The following DIPK1A variants were observed in gnomAD, a reference collection of about 807,000 sequenced individuals.
The protein encoded by DIPK1A is family with sequence similarity 69 member A.
A neutral mutation model predicts 40.8 loss-of-function variants in DIPK1A; 27 were observed. The observed-to-expected ratio is 0.66, with a 90% CI of 0.49 to 0.91. The LOEUF (loss-of-function observed/expected upper bound fraction) is 0.91, where lower values mean the gene tolerates loss of function less well. Ranked by LOEUF, DIPK1A falls within the 40% of genes least tolerant of loss-of-function variation. The pLI, the probability that DIPK1A is intolerant of heterozygous loss-of-function variation, is 0.00. For missense variants in DIPK1A, 412 were observed against 505.7 expected, an observed-to-expected ratio of 0.81 and a Z score of 1.78; for synonymous variants, 166 against 171.3, an observed-to-expected ratio of 0.97 and a Z score of 0.24.
chr1:92,833,747 G>C (rs1254378716), intron 4 of DIPK1A: 5 of 1,064,918 alleles, frequency 4.7e-6, no homozygotes, highest in African/African-American at 1.6e-5. Context: ...GTGTTAGAAG[G>C]GCTGTCTAGC....
Position 92,844,067 on chromosome 1 carries a change from A to G in DIPK1A, c.603T>C (p.Asn201=). The change falls in exon 5 of 5, where the codon AAT becomes AAC. Residue 201 remains asparagine, a synonymous_variant. Transcript: ENST00000370310. The part of the protein sequence containing the change: ...AKSAWALLQL[N]EFLLMVILQD... ...GAAGTATCACCATGAGAAGAAATTC[A>G]TTCAGTTGAAGAAGTGCCCATGCCG... The G allele has an allele frequency of 6.4e-7, 1 of 1,551,992 alleles. No individual in the cohort carries two copies. The highest frequency in any genetic ancestry group is 8.7e-7 in the Non-Finnish European group (1 of 1,147,054).
At chr1:92,860,750 C>A (rs1192133982) in intron 2 of DIPK1A, among the ~76,000 whole-genome samples, 4 of 151,228 alleles carry the variant, frequency 2.6e-5, no homozygotes, top group African/African-American at 9.7e-5. Context: ...TACCACTGCA[C>A]TCCAGCGTGG....
chr1:92,906,399 T>C (rs1649624838), intron 1 of DIPK1A, among the ~76,000 whole-genome samples: 1 of 152,182 alleles, frequency 6.6e-6, no homozygotes, highest in Admixed American at 6.6e-5. Context: ...GGAATAACTT[T>C]ATAAATGAGG....
At chr1:92,922,986 C>T (rs200627292) in intron 1 of DIPK1A, among the ~76,000 whole-genome samples, 41 of 152,056 alleles carry the variant, frequency 2.7e-4, no homozygotes, top group African/African-American at 9.6e-4. Context: ...CACATCATTG[C>T]TTCAGTACAC....
At chr1:92,899,924 ATTTT>A (rs575172518) in intron 1 of DIPK1A, among the ~76,000 whole-genome samples, 1 of 147,062 alleles carries the variant, frequency 6.8e-6, no homozygotes, top group Non-Finnish European at 1.5e-5. Context: ...CTGGCTGGCT[ATTTT>A]TTTTTTCTTT....
At chr1:92,867,116 T>C (rs1647583112) in intron 2 of DIPK1A, among the ~76,000 whole-genome samples, 2 of 152,180 alleles carry the variant, frequency 1.3e-5, no homozygotes, top group Non-Finnish European at 1.5e-5. Flanking sequence ...ATGAAAGTAT[T>C]ATTAATCTCC....
intron 4 of DIPK1A, chr1:92,833,689 T>C (rs1256259962): frequency 2.6e-6 from 4 of 1,557,610 alleles, no homozygotes; most frequent in Non-Finnish European, 3.5e-6. Flanking sequence ...AGTCCCCTTT[T>C]TTTATTGCTA....
chr1:92,902,757 C>T (rs1649470524), intron 1 of DIPK1A, among the ~76,000 whole-genome samples: 1 of 152,164 alleles, frequency 6.6e-6, no homozygotes, highest in Non-Finnish European at 1.5e-5. Flanking sequence ...ATGTTGCCTT[C>T]CGTTCTCTAT....
chr1:92,884,202 C>T (rs1036855782), intron 1 of DIPK1A, among the ~76,000 whole-genome samples: 1 of 151,892 alleles, frequency 6.6e-6, no homozygotes, highest in African/African-American at 2.4e-5. Flanking sequence ...ACCTATAATC[C>T]CAGCACTTTG....
intron 2 of DIPK1A, among the ~76,000 whole-genome samples, chr1:92,860,498 C>T (rs1431427932): frequency 1.3e-5 from 2 of 151,760 alleles, no homozygotes; most frequent in African/African-American, 2.4e-5. Flanking sequence ...CTTAAAAAGG[C>T]AGACTTGGGG....
intron 1 of DIPK1A, among the ~76,000 whole-genome samples, chr1:92,882,392 A>AAAAT (rs546545045): frequency 6.6e-6 from 1 of 152,196 alleles, no homozygotes; most frequent in African/African-American, 2.4e-5. Flanking sequence ...CCGTCTCAAA[A>AAAAT]AAATAAATAA....
At chr1:92,864,969 G>C (rs1484097154) in intron 2 of DIPK1A, among the ~76,000 whole-genome samples, 1 of 149,646 alleles carries the variant, frequency 6.7e-6, no homozygotes, top group Non-Finnish European at 1.5e-5. Flanking sequence ...TTGAACCCAG[G>C]AGGCAGAGGT....
intron 1 of DIPK1A, among the ~76,000 whole-genome samples, chr1:92,915,083 CAAAAAAAAAAAA>C (rs10583235): frequency 1.9e-4 from 15 of 80,080 alleles, no homozygotes; most frequent in African/African-American, 8.4e-4. Context: ...GCAAGACTGT[CAAAAAAAAAAAA>C]AAAAAAAAAA....
chr1:92,857,946 C>T (rs556034456), intron 2 of DIPK1A, among the ~76,000 whole-genome samples: 2 of 152,220 alleles, frequency 1.3e-5, no homozygotes, highest in Admixed American at 6.5e-5. Flanking sequence ...CCGAGTGCAC[C>T]CACTAAAGGT....
chr1:92,925,331 T>C (rs1386297885), intron 1 of DIPK1A, among the ~76,000 whole-genome samples: 1 of 152,228 alleles, frequency 6.6e-6, no homozygotes, highest in Non-Finnish European at 1.5e-5. Flanking sequence ...TTCTTCTTCA[T>C]TTTCTGAAGC....
At chr1:92,928,406 CT>C (rs998120447) in intron 1 of DIPK1A, among the ~76,000 whole-genome samples, 1 of 152,148 alleles carries the variant, frequency 6.6e-6, no homozygotes, top group African/African-American at 2.4e-5. Flanking sequence ...ACTAATATGT[CT>C]TTTGAAGAAA....
intron 1 of DIPK1A, among the ~76,000 whole-genome samples, chr1:92,901,954 G>A (rs530719177): frequency 6.6e-6 from 1 of 152,250 alleles, no homozygotes; most frequent in African/African-American, 2.4e-5. Context: ...CATCAGCTCA[G>A]CCCTGGGATG....
intron 1 of DIPK1A, among the ~76,000 whole-genome samples, chr1:92,895,949 G>A (rs1649144941): frequency 6.6e-6 from 1 of 152,096 alleles, no homozygotes; most frequent in African/African-American, 2.4e-5. Flanking sequence ...GCTTACAAGG[G>A]ATGTGAAGGA....
At chr1:92,907,428 A>C (rs774800357) in intron 1 of DIPK1A, among the ~76,000 whole-genome samples, 2 of 152,052 alleles carry the variant, frequency 1.3e-5, no homozygotes, top group Non-Finnish European at 2.9e-5. Flanking sequence ...TCTGTGCTTT[A>C]ATTTTTTTTT....
Sources: gnomAD v4.1 joint callset for allele counts (sites outside exome capture counted in the v4.1 genomes callset) on GRCh38, gnomAD v4.1.1 for gene constraint, MANE v1.5 for transcripts, NCBI Gene and HGNC (gene_info 2026-07-23, HGNC 2026-07-21) for gene names.